The following NMNAT2 variants were observed in gnomAD, a reference collection of about 807,000 sequenced individuals.
NMNAT2 encodes nicotinamide nucleotide adenylyltransferase 2.
NMNAT2 carries 11 observed loss-of-function variants against 41.6 expected under a neutral mutation model. The observed-to-expected ratio is 0.26, with a 90% CI of 0.17 to 0.44. The LOEUF is 0.44. Ranked by LOEUF, NMNAT2 falls within the 20% of genes least tolerant of loss-of-function variation. The pLI is 1.00. For missense variants in NMNAT2, 288 were observed against 407.7 expected (o/e 0.71, Z 2.53); for synonymous variants, 148 against 151.2 (o/e 0.98, Z 0.16).
chr1:183,417,363 C>T (rs760209485), intron 1 of NMNAT2, among the ~76,000 whole-genome samples: 13 of 152,148 alleles, frequency 8.5e-5, no homozygotes, highest in Non-Finnish European at 1.6e-4. Context: ...TATACTCACA[C>T]ACAGTCATTC....
chr1:183,256,827 C>G (rs1196958273), intron 10 of NMNAT2, among the ~76,000 whole-genome samples: 6 of 152,260 alleles, frequency 3.9e-5, no homozygotes, highest in Admixed American at 3.3e-4. Context: ...TCTCAGTTCA[C>G]TGCAACCTCT....
At chr1:183,327,137 G>A (rs1056064271) in intron 1 of NMNAT2, among the ~76,000 whole-genome samples, 4 of 152,000 alleles carry the variant, frequency 2.6e-5, no homozygotes, top group Non-Finnish European at 5.9e-5. Context: ...TGCAACCTCC[G>A]CCTCCCAGGC....
chr1:183,269,913 T>C lies in NMNAT2; in HGVS notation c.652-8610A>G, dbSNP rs1660938687. ...TTTTTTTTTTATTTGAGACAGAGTC[T>C]CGCTCTGTAGCCCAGGCTGGAGTGC... On this transcript the variant is annotated intron_variant, in intron 8 of 10. Coordinates refer to ENST00000287713, the MANE Select transcript of NMNAT2 (RefSeq NM_015039.4). Among the ~76,000 whole-genome samples, 3 of 152,140 alleles carry C rather than the reference T, an allele frequency of 2.0e-5. No homozygotes were observed. In the East Asian group the frequency reaches 5.8e-4, roughly 29 times the overall value.
chr1:183,272,506 G>T (rs1422352796), intron 8 of NMNAT2, among the ~76,000 whole-genome samples: 4 of 152,194 alleles, frequency 2.6e-5, no homozygotes, highest in African/African-American at 4.8e-5. Flanking sequence ...GTCAGAGAGG[G>T]TCAGAATTTG....
chr1:183,280,625 T>C (rs1262812946), intron 7 of NMNAT2, among the ~76,000 whole-genome samples: 1 of 151,960 alleles, frequency 6.6e-6, no homozygotes, highest in Non-Finnish European at 1.5e-5. Flanking sequence ...TGACCTCAAG[T>C]GATCTGCCCA....
chr1:183,386,050 C>T (rs1004210098), intron 1 of NMNAT2, among the ~76,000 whole-genome samples: 12 of 152,064 alleles, frequency 7.9e-5, no homozygotes, highest in African/African-American at 2.4e-4. Flanking sequence ...TGAGACCGGA[C>T]GCTACTTGGG....
chr1:183,292,575 A>G (rs944189), intron 3 of NMNAT2, among the ~76,000 whole-genome samples: 88,537 of 152,110 alleles, frequency 0.58, 26,447 homozygotes, highest in Middle Eastern at 0.66. Context: ...ACATTCAAGC[A>G]CATTCTTTAC....
Position 183,386,817 on chromosome 1 carries a change from A to C in NMNAT2, c.85+31366T>G, listed in dbSNP as rs554583146. 3.3e-5 allele frequency among the ~76,000 whole-genome samples: 5 copies of C among 152,248 alleles called. 1 individual carries two copies. In the Middle Eastern group the frequency reaches 0.014, roughly 414 times the overall value. On this transcript the variant is annotated intron_variant, in intron 1 of 10. Transcript: ENST00000287713. ...TTATAGGATAAATGAAAAAAATCAA[A>C]ACTGTTCTTACATTATACAAATGGA...
At chr1:183,384,917 T>A (rs568994443) in intron 1 of NMNAT2, among the ~76,000 whole-genome samples, 163 of 152,094 alleles carry the variant, frequency 1.1e-3, no homozygotes, top group Non-Finnish European at 1.6e-3. Context: ...TAGGATTGGG[T>A]GTGGTGGCTC....
intron 1 of NMNAT2, among the ~76,000 whole-genome samples, chr1:183,399,815 A>G (rs1403412769): frequency 2.6e-5 from 4 of 152,182 alleles, no homozygotes; most frequent in Non-Finnish European, 5.9e-5. Context: ...CAAAAACAAC[A>G]TGATTATCTC....
chr1:183,345,967 T>C (rs1032871450), intron 1 of NMNAT2, among the ~76,000 whole-genome samples: 2 of 152,332 alleles, frequency 1.3e-5, no homozygotes, highest in Non-Finnish European at 2.9e-5. Flanking sequence ...ATTACAGTCG[T>C]GAGCCATTGA....
chr1:183,382,773 C>A (rs1243318236), intron 1 of NMNAT2, among the ~76,000 whole-genome samples: 4 of 152,180 alleles, frequency 2.6e-5, no homozygotes, highest in Admixed American at 2.6e-4. Flanking sequence ...AAGGGGCAGG[C>A]TTCCAAGGCC....
intron 1 of NMNAT2, among the ~76,000 whole-genome samples, chr1:183,410,302 G>A (rs1053304079): frequency 4.6e-5 from 7 of 151,408 alleles, no homozygotes; most frequent in African/African-American, 7.3e-5. Flanking sequence ...TAGCCTGGGC[G>A]GCAGAGTGAG....
intron 8 of NMNAT2, among the ~76,000 whole-genome samples, chr1:183,276,490 G>A (rs1459321639): frequency 6.6e-6 from 1 of 152,184 alleles, no homozygotes; most frequent in African/African-American, 2.4e-5. Flanking sequence ...ACTGGGAGGA[G>A]AAGAGAGGGA....
At chr1:183,311,090 C>G (rs1231836762) in intron 1 of NMNAT2, among the ~76,000 whole-genome samples, 1 of 152,136 alleles carries the variant, frequency 6.6e-6, no homozygotes, top group Non-Finnish European at 1.5e-5. Flanking sequence ...TGGTCTAGAA[C>G]CAGCTCCTGC....
intron 1 of NMNAT2, among the ~76,000 whole-genome samples, chr1:183,380,112 TA>T (rs1663771499): frequency 6.6e-6 from 1 of 152,234 alleles, no homozygotes; most frequent in South Asian, 2.1e-4. Flanking sequence ...GTTCTCTTCA[TA>T]AGGGCTCATG....
intron 1 of NMNAT2, among the ~76,000 whole-genome samples, chr1:183,349,520 T>TA (rs2102350892): frequency 6.6e-6 from 1 of 152,384 alleles, no homozygotes; most frequent in Admixed American, 6.5e-5. Context: ...GCCTCTGGCA[T>TA]ATTTGAAGTC....
At chr1:183,260,932 T>G in intron 10 of NMNAT2, 70 bp downstream of exon 10, 1 of 1,241,942 alleles carries the variant, frequency 8.1e-7, no homozygotes, top group Non-Finnish European at 1.2e-6. Context: ...TCATCTTTGA[T>G]GGAGGAAATT....
At chr1:183,373,514 C>A (rs1663598480) in intron 1 of NMNAT2, among the ~76,000 whole-genome samples, 1 of 152,168 alleles carries the variant, frequency 6.6e-6, no homozygotes, top group Non-Finnish European at 1.5e-5. Context: ...CTCAGAATAT[C>A]CGTGAAATTC....
Sources: allele counts gnomAD v4.1 joint callset (sites outside exome capture counted in the v4.1 genomes callset), GRCh38; gene constraint gnomAD v4.1.1; transcripts MANE v1.5; gene names NCBI Gene and HGNC (gene_info 2026-07-23, HGNC 2026-07-21).